NPR3: variants seen among roughly 807,000 people sequenced by gnomAD.
The protein encoded by NPR3 is atrial natriuretic peptide receptor 3.
NPR3 carries 34 observed loss-of-function variants against 54.5 expected under a neutral mutation model. The ratio of observed to expected loss-of-function variants is 0.62; its 90% confidence interval spans 0.47 to 0.83. The LOEUF (loss-of-function observed/expected upper bound fraction) is 0.83. Ranked by LOEUF, NPR3 falls within the 40% of genes least tolerant of loss-of-function variation. The pLI is 0.00. For missense variants in NPR3, 674 were observed against 720.8 expected, an observed-to-expected ratio of 0.94 and a Z score of 0.74; for synonymous variants, 289 against 297.1, an observed-to-expected ratio of 0.97 and a Z score of 0.28.
At chr5:32,694,806 T>C (rs183760708) in intron 1 of NPR3, among the ~76,000 whole-genome samples, 2 of 152,334 alleles carry the variant, frequency 1.3e-5, no homozygotes, top group East Asian at 1.9e-4. Context: ...TCATTTTATC[T>C]AAGTATATTT....
intron 2 of NPR3, among the ~76,000 whole-genome samples, chr5:32,729,552 T>C (rs1739348612): frequency 6.6e-6 from 1 of 152,232 alleles, no homozygotes; most frequent in Admixed American, 6.5e-5. Flanking sequence ...GTTTCATCAT[T>C]GTATGAACAC....
At chr5:32,724,588 C>T (rs1739039046) in intron 1 of NPR3, 110 bp from the exon 2 acceptor site, 4 of 1,277,674 alleles carry the variant, frequency 3.1e-6, no homozygotes, top group Non-Finnish European at 4.4e-6. Flanking sequence ...GGAGATACTT[C>T]AGGACCATAT....
chr5:32,713,298 C>A, intron 1 of NPR3: 1 of 985,440 alleles, frequency 1.0e-6, no homozygotes, highest in South Asian at 4.7e-5. Context: ...CCACCTGTCC[C>A]CCAAGTTTTC....
chr5:32,769,595 C>T (rs1741646866), intron 3 of NPR3, among the ~76,000 whole-genome samples: 1 of 152,218 alleles, frequency 6.6e-6, no homozygotes, highest in African/African-American at 2.4e-5. Context: ...TAGTTTCCCT[C>T]CTTTGCACTG....
chr5:32,785,820 G>A (rs576655767), intron 7 of NPR3, among the ~76,000 whole-genome samples: 317 of 152,346 alleles, frequency 2.1e-3, no homozygotes, highest in Non-Finnish European at 3.1e-3. Context: ...ATTAGAGCAA[G>A]GTTTCTTTAT....
At position 32,711,795 on chromosome 5, in the gene NPR3, C is replaced by A; in HGVS notation, c.19C>A (p.Leu7Ile). ...CGGCACGATGCCGTCTCTGCTGGTGCTCACTTTCTCCCCGTGCGTACTACT... is the reference window on the plus strand; with the variant it reads ...CGGCACGATGCCGTCTCTGCTGGTGATCACTTTCTCCCCGTGCGTACTACT... MPSLLVLTFSPCVLLGW... is the reference protein window; with the variant it reads MPSLLVITFSPCVLLGW... Residue 7 changes from leucine (L) to isoleucine (I), a missense_variant, in exon 1 of 8, where the codon CTC becomes ATC. By Grantham distance (5) the Leu-to-Ile change is conservative (BLOSUM62 2). Coordinates refer to ENST00000265074, the MANE Select transcript of NPR3 (RefSeq NM_001204375.2). 1 of 1,433,210 alleles carries A rather than the reference C, an allele frequency of 7.0e-7. No homozygotes were observed. The highest frequency in any genetic ancestry group is 9.2e-7 in the Non-Finnish European group (1 of 1,092,342). 88.8% of individuals were successfully genotyped at this position (1,433,210 alleles called of 1,614,324 possible).
intron 3 of NPR3, among the ~76,000 whole-genome samples, chr5:32,758,653 A>G (rs1407280930): frequency 6.6e-6 from 1 of 151,914 alleles, no homozygotes; most frequent in African/African-American, 2.4e-5. Flanking sequence ...TAGCTTTTGA[A>G]TGTGTTTGCT....
intron 3 of NPR3, among the ~76,000 whole-genome samples, chr5:32,759,681 TG>T (rs200667861): frequency 0.041 from 6,303 of 152,276 alleles, 147 homozygotes; most frequent in Non-Finnish European, 0.051. Context: ...CGTTAGTTGA[TG>T]GCAGTTTCTT....
intron 3 of NPR3, among the ~76,000 whole-genome samples, chr5:32,758,459 A>C (rs1041861695): frequency 6.6e-6 from 1 of 151,778 alleles, no homozygotes; most frequent in Admixed American, 6.6e-5. Flanking sequence ...TCCCCTTTAT[A>C]ATTTTTTATT....
chr5:32,732,247 C>CAAAAAA (rs34564234), intron 2 of NPR3, among the ~76,000 whole-genome samples: 6 of 32,998 alleles, frequency 1.8e-4, no homozygotes, highest in African/African-American at 3.6e-4. Flanking sequence ...GACTCCGTCT[C>CAAAAAA]AAAAAAAAAA....
At chr5:32,762,805 T>G (rs1741248003) in intron 3 of NPR3, among the ~76,000 whole-genome samples, 1 of 152,242 alleles carries the variant, frequency 6.6e-6, no homozygotes, top group Non-Finnish European at 1.5e-5. Flanking sequence ...GATGATAGTT[T>G]CTTTTGCTGT....
chr5:32,711,671 G>A lies in NPR3; in HGVS notation c.-106G>A, dbSNP rs887709216. 1 of 1,317,434 alleles carries A rather than the reference G, an allele frequency of 7.6e-7. No homozygotes were observed. The highest frequency in any genetic ancestry group is 3.8e-5 in the Admixed American group (1 of 26,360). The allele number at this position is 1,317,434 out of a possible 1,614,324, so 81.6% of individuals were successfully genotyped here. The stretch of plus-strand genomic sequence containing the variant: ...ATTCTATTTTGTTAAAGCGCCCAAG[G>A]GGGCGCAGGGACCTTGGAGAGAAGA... On this transcript the variant is annotated 5_prime_UTR_variant, in exon 1 of 8. Transcript: ENST00000265074.
chr5:32,710,645 G>T (rs1462756240), upstream of NPR3: 51 of 1,482,070 alleles, frequency 3.4e-5, no homozygotes, highest in Non-Finnish European at 4.3e-5. Context: ...CGGGCCAGCC[G>T]GGCACACCAG....
chr5:32,700,110 C>T (rs756612912), intron 1 of NPR3, among the ~76,000 whole-genome samples: 1 of 152,122 alleles, frequency 6.6e-6, no homozygotes, highest in Non-Finnish European at 1.5e-5. Context: ...TTTTCTCTTG[C>T]TACTTTTAGG....
chr5:32,784,925 G>C (rs1328508517), intron 7 of NPR3, 42 bp downstream of exon 7: 1 of 1,394,650 alleles, frequency 7.2e-7, no homozygotes, highest in Non-Finnish European at 1.0e-6. Flanking sequence ...CTCTTCTGCT[G>C]TCTTTGTCAT....
At chr5:32,722,266 T>G (rs937358768) in intron 1 of NPR3, among the ~76,000 whole-genome samples, 11 of 152,208 alleles carry the variant, frequency 7.2e-5, no homozygotes, top group African/African-American at 2.7e-4. Flanking sequence ...CTTAGATGGA[T>G]GCCTAGGGTC....
intron 1 of NPR3, among the ~76,000 whole-genome samples, chr5:32,693,033 A>C (rs937072265): frequency 6.6e-6 from 1 of 152,102 alleles, no homozygotes; most frequent in African/African-American, 2.4e-5. Flanking sequence ...GAGACAGGAG[A>C]ATCCCTTGAT....
intron 4 of NPR3, among the ~76,000 whole-genome samples, chr5:32,779,944 G>A (rs1742252067): frequency 6.6e-6 from 1 of 152,152 alleles, no homozygotes; most frequent in African/African-American, 2.4e-5. Flanking sequence ...TTACAGTTGT[G>A]GAGACTGAGG....
rs190122653 is a variant in NPR3, at chr5:32,732,114, G to A, written c.893-6750G>A. On this transcript the variant is annotated intron_variant, in intron 2 of 7. Transcript: ENST00000265074. ...AAATTAGCCGGGCACGGTGGCGGGC[G>A]CCTGTAGTCCCAGCTACTCGGGAGG... Among the ~76,000 whole-genome samples the A allele has an allele frequency of 5.9e-3, 896 of 151,854 alleles. 7 individuals are homozygous for A. The highest frequency in any genetic ancestry group is 9.6e-3 in the Non-Finnish European group (654 of 67,896).
Sources: allele counts gnomAD v4.1 joint callset (sites outside exome capture counted in the v4.1 genomes callset), GRCh38; gene constraint gnomAD v4.1.1; transcripts MANE v1.5; gene names NCBI Gene and HGNC (gene_info 2026-07-23, HGNC 2026-07-21).